Variants in PRR16 observed in about 807,000 individuals in gnomAD.
PRR16 encodes protein Largen.
A neutral mutation model predicts 18.2 loss-of-function variants in PRR16; 6 were observed. The ratio of observed to expected loss-of-function variants is 0.33; its 90% CI spans 0.18 to 0.65. The LOEUF (loss-of-function observed/expected upper bound fraction) is 0.65. PRR16 is among the 30% of genes least tolerant of loss of function. The pLI is 0.74. For synonymous variants in PRR16, 151 were observed against 147.8 expected, an observed-to-expected ratio of 1.02 and a Z score of -0.16; for missense variants, 412 against 376.6, an observed-to-expected ratio of 1.09 and a Z score of -0.78.
the PRR16 span, among the ~76,000 whole-genome samples, chr5:120,775,995 G>T: frequency 6.6e-6 from 1 of 151,802 alleles, no homozygotes; most frequent in African/African-American, 2.4e-5. Flanking sequence ...AACACTAAAA[G>T]ATCTGTCTTC....
chr5:120,586,858 G>C (rs1454207655), intron 1 of PRR16, among the ~76,000 whole-genome samples: 1 of 152,166 alleles, frequency 6.6e-6, no homozygotes, highest in African/African-American at 2.4e-5. Context: ...AGCTGGAAAT[G>C]ATTAAACTTA....
At chr5:120,492,459 T>C (rs1750092247) in intron 1 of PRR16, among the ~76,000 whole-genome samples, 1 of 152,188 alleles carries the variant, frequency 6.6e-6, no homozygotes, top group Non-Finnish European at 1.5e-5. Context: ...CCAAGGATAA[T>C]TTTTGTAACT....
At chr5:120,616,266 G>A (rs1256776587) in intron 1 of PRR16, among the ~76,000 whole-genome samples, 1 of 152,148 alleles carries the variant, frequency 6.6e-6, no homozygotes, top group Middle Eastern at 3.2e-3. Flanking sequence ...TTGGGAGCAT[G>A]TTACCAAAGT....
At chr5:120,484,585 A>T (rs1220439015) in intron 1 of PRR16, among the ~76,000 whole-genome samples, 1 of 146,114 alleles carries the variant, frequency 6.8e-6, no homozygotes, top group Non-Finnish European at 1.5e-5. Flanking sequence ...TCATTTATAT[A>T]TAGTATATAA....
the PRR16 span, among the ~76,000 whole-genome samples, chr5:120,773,221 T>A: frequency 1.3e-5 from 2 of 151,884 alleles, no homozygotes; most frequent in Non-Finnish European, 2.9e-5. Context: ...TGAATAAGAG[T>A]CCCCAAATCA....
intron 1 of PRR16, among the ~76,000 whole-genome samples, chr5:120,492,300 G>GA (rs1750085722): frequency 6.0e-5 from 8 of 132,782 alleles, no homozygotes; most frequent in African/African-American, 2.2e-4. Flanking sequence ...GTGTGTGTGT[G>GA]GAGAGACACA....
chr5:120,493,422 C>G (rs1375154804), intron 1 of PRR16, among the ~76,000 whole-genome samples: 1 of 151,914 alleles, frequency 6.6e-6, no homozygotes, highest in African/African-American at 2.4e-5. Flanking sequence ...TCTCATTTGA[C>G]CAGTCTTTAA....
At chr5:120,679,692 C>T (rs965441719) in intron 1 of PRR16, among the ~76,000 whole-genome samples, 3 of 152,092 alleles carry the variant, frequency 2.0e-5, no homozygotes, top group Non-Finnish European at 2.9e-5. Flanking sequence ...GAAACCCTGC[C>T]GTTTGCCACA....
chr5:120,731,454 A>C, the PRR16 span, among the ~76,000 whole-genome samples: 1 of 152,134 alleles, frequency 6.6e-6, no homozygotes, highest in Admixed American at 6.6e-5. Flanking sequence ...CTTTTTCTCA[A>C]GTCCACATTC....
intron 1 of PRR16, among the ~76,000 whole-genome samples, chr5:120,524,011 AG>A (rs1205214485): frequency 5.9e-5 from 9 of 152,272 alleles, no homozygotes; most frequent in Middle Eastern, 6.8e-3. Context: ...TGCCTTTTCC[AG>A]GAGCCAAACT....
intron 1 of PRR16, among the ~76,000 whole-genome samples, chr5:120,571,503 A>C (rs1050313902): frequency 2.6e-5 from 4 of 152,128 alleles, no homozygotes; most frequent in African/African-American, 9.7e-5. Flanking sequence ...AGACCTGGCT[A>C]TTAATCTTAG....
At chr5:120,693,302 T>C in the PRR16 span, among the ~76,000 whole-genome samples, 3 of 152,204 alleles carry the variant, frequency 2.0e-5, no homozygotes, top group African/African-American at 7.2e-5. Context: ...TTCCACTTAA[T>C]GGGGATGTTG....
chr5:120,565,713 G>C (rs188340588), intron 1 of PRR16, among the ~76,000 whole-genome samples: 2 of 152,190 alleles, frequency 1.3e-5, no homozygotes, highest in African/African-American at 4.8e-5. Flanking sequence ...AGATTTTCCT[G>C]TGAAATAGCT....
At chr5:120,513,132 T>C (rs903062570) in intron 1 of PRR16, among the ~76,000 whole-genome samples, 1 of 152,116 alleles carries the variant, frequency 6.6e-6, no homozygotes, top group African/African-American at 2.4e-5. Flanking sequence ...CTTTCAGCCG[T>C]CTTGGATTTA....
At chr5:120,708,240 G>A in the PRR16 span, among the ~76,000 whole-genome samples, 2 of 152,142 alleles carry the variant, frequency 1.3e-5, no homozygotes, top group Non-Finnish European at 2.9e-5. Flanking sequence ...AAAGTAGTCA[G>A]TGTTGTTCAT....
At chr5:120,727,410 C>G in the PRR16 span, among the ~76,000 whole-genome samples, 2 of 152,160 alleles carry the variant, frequency 1.3e-5, no homozygotes, top group African/African-American at 4.8e-5. Flanking sequence ...TCACATAACT[C>G]CATATGGGTA....
chr5:120,763,256 G>C, the PRR16 span, among the ~76,000 whole-genome samples: 2 of 151,820 alleles, frequency 1.3e-5, no homozygotes, highest in Non-Finnish European at 2.9e-5. Flanking sequence ...AAGCAATTCT[G>C]CCTCAGCCTC....
rs1580661073 is a variant in PRR16, at chr5:120,505,899, A to G, written c.159+41254A>G. 3.3e-5 allele frequency among the ~76,000 whole-genome samples: 5 copies of G among 151,198 alleles called. 1 individual carries two copies. In the Admixed American group the frequency reaches 3.3e-4, roughly 10 times the overall value. On this transcript the variant is annotated intron_variant, in intron 1 of 1. Coordinates refer to ENST00000407149, the MANE Select transcript of PRR16 (RefSeq NM_001300783.2). ...ACATATGTGTATGAGTAATATGTATATATATACATACATAGGGATGATATA... is the reference window on the plus strand; with the variant it reads ...ACATATGTGTATGAGTAATATGTATGTATATACATACATAGGGATGATATA...
chr5:120,669,883 G>A (rs1226237385), intron 1 of PRR16, among the ~76,000 whole-genome samples: 2 of 151,942 alleles, frequency 1.3e-5, no homozygotes, highest in African/African-American at 2.4e-5. Context: ...AACACTGGGG[G>A]CTTTGATTTT....
Sources: gnomAD v4.1 joint callset for allele counts (sites outside exome capture counted in the v4.1 genomes callset) on GRCh38, gnomAD v4.1.1 for gene constraint, MANE v1.5 for transcripts, NCBI Gene and HGNC (gene_info 2026-07-23, HGNC 2026-07-21) for gene names.